The following SYT16 variants were observed in gnomAD, a reference collection of about 807,000 sequenced individuals.
The protein encoded by SYT16 is synaptotagmin-16.
SYT16 carries 42 observed loss-of-function variants against 61.4 expected under a neutral mutation model. That is an observed-to-expected ratio of 0.68 (90% CI 0.53 to 0.89). The LOEUF (loss-of-function observed/expected upper bound fraction) is 0.89, where lower values mean the gene tolerates loss of function less well. Ranked by LOEUF, SYT16 falls within the 40% of genes least tolerant of loss-of-function variation. The pLI, the probability that SYT16 is intolerant of heterozygous loss-of-function variation, is 0.00. For missense variants in SYT16, 804 were observed against 807.3 expected, an observed-to-expected ratio of 1.00 and a Z score of 0.05; for synonymous variants, 314 against 302.3, an observed-to-expected ratio of 1.04 and a Z score of -0.40.
chr14:61,959,593 A>T (rs1466930794), intron 1 of SYT16, among the ~76,000 whole-genome samples: 2 of 152,040 alleles, frequency 1.3e-5, no homozygotes, highest in African/African-American at 4.8e-5. Context: ...TTATGAACAA[A>T]TTTCTGTGGT....
At chr14:61,900,747 C>T (rs2048484487) in intron 1 of SYT16, among the ~76,000 whole-genome samples, 1 of 152,160 alleles carries the variant, frequency 6.6e-6, no homozygotes, top group Admixed American at 6.6e-5. Flanking sequence ...CATCACTATC[C>T]TCCCAATTCC....
At chr14:62,055,295 C>G (rs1032139254) in intron 3 of SYT16, among the ~76,000 whole-genome samples, 1 of 152,192 alleles carries the variant, frequency 6.6e-6, no homozygotes, top group African/African-American at 2.4e-5. Flanking sequence ...ACAAATGAGA[C>G]AGCAGAGCTT....
intron 1 of SYT16, among the ~76,000 whole-genome samples, chr14:61,926,931 A>G (rs2140417176): frequency 6.6e-6 from 1 of 152,280 alleles, no homozygotes; most frequent in East Asian, 1.9e-4. Context: ...AAAATAAAAT[A>G]CTAGTTTTCT....
chr14:62,011,750 G>C (rs2053457276), intron 3 of SYT16, among the ~76,000 whole-genome samples: 1 of 151,776 alleles, frequency 6.6e-6, no homozygotes, highest in African/African-American at 2.4e-5. Context: ...TTACAAGCCT[G>C]TTTCAAGGAA....
At chr14:61,883,458 C>T (rs544141088) in intron 1 of SYT16, among the ~76,000 whole-genome samples, 32 of 152,288 alleles carry the variant, frequency 2.1e-4, no homozygotes, top group Non-Finnish European at 3.5e-4. Flanking sequence ...ATACCAAGAG[C>T]GACCTTTACT....
At chr14:61,902,917 A>G (rs1303767192) in intron 1 of SYT16, among the ~76,000 whole-genome samples, 1 of 152,206 alleles carries the variant, frequency 6.6e-6, no homozygotes, top group Non-Finnish European at 1.5e-5. Context: ...TGATTCAATT[A>G]TATCTTACCA....
At chr14:61,899,824 G>T (rs1391304169) in intron 1 of SYT16, among the ~76,000 whole-genome samples, 1 of 152,134 alleles carries the variant, frequency 6.6e-6, no homozygotes, top group Non-Finnish European at 1.5e-5. Flanking sequence ...TCAATGCTAT[G>T]GTACCGATGA....
At chr14:61,980,342 T>A (rs2052017362) in intron 2 of SYT16, among the ~76,000 whole-genome samples, 1 of 152,176 alleles carries the variant, frequency 6.6e-6, no homozygotes, top group South Asian at 2.1e-4. Context: ...ATTAAACATT[T>A]GAAAATTGAG....
At chr14:61,920,972 A>G (rs1225477324) in intron 1 of SYT16, among the ~76,000 whole-genome samples, 1 of 152,184 alleles carries the variant, frequency 6.6e-6, no homozygotes, top group Non-Finnish European at 1.5e-5. Context: ...GCAACTAAAG[A>G]GCCTCAGCCT....
intron 3 of SYT16, among the ~76,000 whole-genome samples, chr14:62,057,451 G>A (rs1452230071): frequency 6.6e-6 from 1 of 152,078 alleles, no homozygotes; most frequent in African/African-American, 2.4e-5. Context: ...GGGTAGGGTC[G>A]GACAAGTAAG....
Position 62,001,567 on chromosome 14 carries a change from G to C in SYT16, c.523+5025G>C, listed in dbSNP as rs530935141. Among the ~76,000 whole-genome samples the C allele has an allele frequency of 3.3e-5, 5 of 151,870 alleles. No homozygotes were observed. The South Asian group carries it at 6.2e-4, about 19-fold the overall frequency. ...TTTGTGCATGGACATGCATGCATGT[G>C]TATGTTTTGGTATTTGTTTTTCTTG... is the stretch of plus-strand genomic sequence containing the variant. On this transcript the variant is annotated intron_variant, in intron 3 of 7. Coordinates refer to ENST00000683842, the MANE Select transcript of SYT16 (RefSeq NM_001367656.1).
intron 3 of SYT16, among the ~76,000 whole-genome samples, chr14:62,021,058 A>C (rs1390999120): frequency 6.6e-6 from 1 of 152,098 alleles, no homozygotes. Flanking sequence ...TCCTCTCCTA[A>C]GAACTCATCT....
intron 3 of SYT16, among the ~76,000 whole-genome samples, chr14:62,020,916 C>G (rs1462351830): frequency 1.3e-5 from 2 of 152,182 alleles, no homozygotes; most frequent in South Asian, 2.1e-4. Context: ...AAGGTTCACA[C>G]TCATAAGTGG....
rs1388407167 is a variant in SYT16 at position 62,101,610 on chromosome 14, A to C, written c.*903A>C. On this transcript the variant is annotated 3_prime_UTR_variant, in exon 8 of 8. Coordinates refer to ENST00000683842, the MANE Select transcript of SYT16 (RefSeq NM_001367656.1). Reference sequence around the variant, plus strand: ...TATATGAATATTTTGAATGTACTGCATGTAAACCATGCTCTTTTTAAACTG... The same window carrying C: ...TATATGAATATTTTGAATGTACTGCCTGTAAACCATGCTCTTTTTAAACTG... The C allele has an allele frequency of 6.6e-6, 1 of 152,176 alleles. No individual in the cohort carries two copies. Among genetic ancestry groups the C allele is most frequent in the Non-Finnish European group, 1.5e-5 (1 of 68,026 alleles). The allele number at this position is 152,176 out of a possible 1,614,324, so 9.4% of individuals were successfully genotyped here.
chr14:61,984,987 T>G (rs1566738628), intron 2 of SYT16, among the ~76,000 whole-genome samples: 1 of 152,160 alleles, frequency 6.6e-6, no homozygotes, highest in Non-Finnish European at 1.5e-5. Flanking sequence ...ACCACTCATG[T>G]AACCTACTTA....
In SYT16 at chr14:62,108,857, T is replaced by C. The variant is rs2057555926; in HGVS notation, c.*8150T>C. 4.6e-5 allele frequency: 7 copies of C among 152,166 alleles called. No individual in the cohort carries two copies. The allele number at this position is 152,166 out of a possible 1,614,324, so 9.4% of individuals were successfully genotyped here. A position where few individuals can be genotyped will look rare whatever the true frequency, so the allele number is the denominator to read the frequency against. On this transcript the variant is annotated 3_prime_UTR_variant, in exon 8 of 8. Coordinates refer to ENST00000683842, the MANE Select transcript of SYT16 (RefSeq NM_001367656.1). The stretch of plus-strand genomic sequence containing the variant: ...TTCAGGTTAAAGCTGGTCTTTGAGA[T>C]CTACTTTTTAAGAAATTAATAAATT...
chr14:61,820,605 C>G (rs1262509820), intron 1 of SYT16, among the ~76,000 whole-genome samples: 1 of 150,990 alleles, frequency 6.6e-6, no homozygotes, highest in Non-Finnish European at 1.5e-5. Context: ...CCTCAGCCTC[C>G]TGAGTAGCTG....
chr14:61,858,120 C>CAAAAAAAAAAAAAAAAA (rs34781118), intron 1 of SYT16, among the ~76,000 whole-genome samples: 1 of 43,230 alleles, frequency 2.3e-5, no homozygotes, highest in Admixed American at 3.7e-4. Context: ...CACAGCTTGG[C>CAAAAAAAAAAAAAAAAA]AAAAAAAAAA....
At chr14:61,844,087 C>T (rs8015363) in intron 1 of SYT16, among the ~76,000 whole-genome samples, 24,470 of 151,918 alleles carry the variant, frequency 0.16, 2,222 homozygotes, top group African/African-American at 0.25. Context: ...TTCATTAGTG[C>T]TTTGTAGTTT....
Sources: allele counts gnomAD v4.1 joint callset (sites outside exome capture counted in the v4.1 genomes callset), GRCh38; gene constraint gnomAD v4.1.1; transcripts MANE v1.5; gene names NCBI Gene and HGNC (gene_info 2026-07-23, HGNC 2026-07-21).